The following ACKR3 variants were observed in gnomAD, a reference collection of about 807,000 sequenced individuals.
ACKR3 encodes the protein C-X-C chemokine receptor type 7.
In ACKR3, 6 loss-of-function variants were observed where a neutral mutation model predicts 22.4. The observed-to-expected ratio is 0.27, with a 90% CI of 0.15 to 0.53. The LOEUF (loss-of-function observed/expected upper bound fraction) is 0.53, where lower values mean the gene tolerates loss of function less well. ACKR3 is among the 20% of genes least tolerant of loss of function. The pLI is 0.96. For synonymous variants in ACKR3, 209 were observed against 205.2 expected (o/e 1.02, Z -0.16); for missense variants, 396 against 475.2 (o/e 0.83, Z 1.55).
rs555362379 is a variant in ACKR3, at chr2:236,580,582, C to G, written c.117C>G (p.Asn39Lys). 1 of 1,613,884 alleles carries G rather than the reference C, an allele frequency of 6.2e-7. No homozygotes were observed. The highest frequency in any genetic ancestry group is 8.5e-7 in the Non-Finnish European group (1 of 1,179,896). The stretch of plus-strand genomic sequence containing the variant: ...CGGTGATGTGTCCCAACATGCCCAA[C>G]AAAAGCGTCCTGCTCTACACGCTCT... ...VDTVMCPNMP[N>K]KSVLLYTLSF... The change falls in exon 2 of 2, where the codon AAC (asparagine) becomes AAG (lysine). Residue 39 changes from asparagine to lysine, a missense_variant. By Grantham distance (94) the Asn-to-Lys change is moderately conservative. Coordinates refer to ENST00000272928, the MANE Select transcript of ACKR3 (RefSeq NM_020311.3).
At chr2:236,573,512 T>C (rs779753211) in intron 1 of ACKR3, among the ~76,000 whole-genome samples, 2 of 152,218 alleles carry the variant, frequency 1.3e-5, no homozygotes, top group African/African-American at 2.4e-5. Flanking sequence ...TCTGGGACAA[T>C]ACCAAGTTTC....
the ACKR3 span, among the ~76,000 whole-genome samples, chr2:236,558,969 A>G: frequency 2.4e-4 from 36 of 152,248 alleles, no homozygotes; most frequent in African/African-American, 8.4e-4. Flanking sequence ...AAGCTGAATC[A>G]TTTTTATGTT....
chr2:236,560,305 G>A, the ACKR3 span, among the ~76,000 whole-genome samples: 5 of 142,284 alleles, frequency 3.5e-5, no homozygotes, highest in Admixed American at 6.9e-5. Context: ...GTCCTCACCA[G>A]CACTTGTTGC....
the ACKR3 span, among the ~76,000 whole-genome samples, chr2:236,548,044 C>G: frequency 6.6e-6 from 1 of 152,132 alleles, no homozygotes; most frequent in East Asian, 1.9e-4. This position sits in a 1 kb window ranked among gnomAD's most constrained non-coding sequence, Gnocchi z 4.3. Context: ...CACATTCCCA[C>G]TGGCCTTTCC....
chr2:236,581,536 G>C lies in ACKR3; in HGVS notation c.1071G>C (p.Leu357Phe). 1 of 1,613,660 alleles carries C rather than the reference G, an allele frequency of 6.2e-7. No homozygotes were observed. The change falls in exon 2 of 2, where the codon TTG becomes TTC. Residue 357 changes from leucine to phenylalanine, a missense_variant. By Grantham distance (22) the Leu-to-Phe change is conservative. Coordinates refer to ENST00000272928, the MANE Select transcript of ACKR3 (RefSeq NM_020311.3). This position sits in a 1 kb window ranked among gnomAD's most constrained non-coding sequence, Gnocchi z 4.4. ...TCTCAGAGACGGAGTACTCTGCCTT[G>C]GAGCAGAGCACCAAATGATCTGCCC... ...SRVSETEYSA[L>F]EQSTK
At chr2:236,539,966 G>T in the ACKR3 span, among the ~76,000 whole-genome samples, 1 of 152,192 alleles carries the variant, frequency 6.6e-6, no homozygotes, top group African/African-American at 2.4e-5. Flanking sequence ...GGGGAAAACT[G>T]CTCCCATGAT....
the ACKR3 span, among the ~76,000 whole-genome samples, chr2:236,543,137 CA>C: frequency 6.6e-6 from 1 of 152,138 alleles, no homozygotes; most frequent in Non-Finnish European, 1.5e-5. Flanking sequence ...ATTTTCAAAG[CA>C]AATGAGTGAG....
the ACKR3 span, among the ~76,000 whole-genome samples, chr2:236,542,645 C>T: frequency 6.6e-6 from 1 of 152,168 alleles, no homozygotes; most frequent in East Asian, 1.9e-4. Context: ...CTGTGTCTGC[C>T]TTTGTGCCAC....
At chr2:236,565,367 T>C (rs1343326852), upstream of ACKR3, among the ~76,000 whole-genome samples, 1 of 152,194 alleles carries the variant, frequency 6.6e-6, no homozygotes, top group East Asian at 1.9e-4. Context: ...CAAGATGACT[T>C]TGACCTTCCT....
At chr2:236,543,188 CAG>C in the ACKR3 span, among the ~76,000 whole-genome samples, 1 of 152,134 alleles carries the variant, frequency 6.6e-6, no homozygotes, top group Non-Finnish European at 1.5e-5. Flanking sequence ...TTGCTTTGGA[CAG>C]AGAGAGGTGA....
chr2:236,575,905 A>T (rs1691404242), intron 1 of ACKR3, among the ~76,000 whole-genome samples: 1 of 152,196 alleles, frequency 6.6e-6, no homozygotes, highest in Admixed American at 6.5e-5. Flanking sequence ...ACATTTGGAG[A>T]CACATGAATA....
At chr2:236,542,412 C>T in the ACKR3 span, among the ~76,000 whole-genome samples, 15 of 152,244 alleles carry the variant, frequency 9.9e-5, no homozygotes, top group Admixed American at 8.5e-4. Flanking sequence ...TGTGCTGTTG[C>T]TGTGTGGGAA....
chr2:236,560,337 T>C, the ACKR3 span, among the ~76,000 whole-genome samples: 1 of 140,376 alleles, frequency 7.1e-6, no homozygotes, highest in South Asian at 2.2e-4. Context: ...TTTTTTTTTG[T>C]AAAGGCCATC....
chr2:236,544,854 TAG>T, the ACKR3 span, among the ~76,000 whole-genome samples: 1 of 152,204 alleles, frequency 6.6e-6, no homozygotes, highest in Non-Finnish European at 1.5e-5. The surrounding 1 kb of genome is among the most constrained non-coding windows in gnomAD (Gnocchi z 5.0). Flanking sequence ...GCAATTGTTT[TAG>T]AATCTTAGAA....
the ACKR3 span, among the ~76,000 whole-genome samples, chr2:236,539,238 T>C: frequency 3.6e-3 from 545 of 150,336 alleles, 4 homozygotes; most frequent in Non-Finnish European, 5.6e-3. Context: ...ATAGACACAT[T>C]TGTGTGTGTG....
At chr2:236,545,554 C>T in the ACKR3 span, among the ~76,000 whole-genome samples, 1 of 152,276 alleles carries the variant, frequency 6.6e-6, no homozygotes, top group Middle Eastern at 3.4e-3. The surrounding 1 kb of genome is among the most constrained non-coding windows in gnomAD (Gnocchi z 5.3). Context: ...CAAGGTATGG[C>T]AAGAAGAGTG....
the ACKR3 span, among the ~76,000 whole-genome samples, chr2:236,558,755 A>T: frequency 6.6e-6 from 1 of 152,218 alleles, no homozygotes; most frequent in African/African-American, 2.4e-5. Context: ...AATAAAAAGG[A>T]AGGAAGGGTC....
In ACKR3 at chr2:236,581,108, G is replaced by T; in HGVS notation, c.643G>T (p.Val215Phe). The change falls in exon 2 of 2, where the codon GTC becomes TTC. Residue 215 changes from valine to phenylalanine, a missense_variant. Val to Phe is a conservative substitution (Grantham distance 50). Transcript: ENST00000272928. This position sits in a 1 kb window ranked among gnomAD's most constrained non-coding sequence, Gnocchi z 4.4. ...GGAGTGGCTGATCGGCATGGAGCTG[G>T]TCTCCGTTGTCTTGGGCTTTGCCGT... is the stretch of plus-strand genomic sequence containing the variant. ...IKEWLIGMEL[V>F]SVVLGFAVPF... The T allele has an allele frequency of 6.2e-7, 1 of 1,614,186 alleles. No individual in the cohort carries two copies. The highest frequency in any genetic ancestry group is 2.2e-5 in the East Asian group (1 of 44,888).
the ACKR3 span, among the ~76,000 whole-genome samples, chr2:236,556,857 T>C: frequency 6.6e-6 from 1 of 152,154 alleles, no homozygotes; most frequent in Non-Finnish European, 1.5e-5. Flanking sequence ...CTGGCTAATT[T>C]TTGTATTTTT....
Sources: gnomAD v4.1 joint callset for allele counts (sites outside exome capture counted in the v4.1 genomes callset) on GRCh38, gnomAD v4.1.1 for gene constraint, Gnocchi (gnomAD v3.1) non-coding constraint, MANE v1.5 for transcripts, NCBI Gene and HGNC (gene_info 2026-07-23, HGNC 2026-07-21) for gene names.